The following SCAF4 variants were observed in gnomAD, a reference collection of about 807,000 sequenced individuals.
SCAF4 encodes the protein SR-related and CTD-associated factor 4.
Under a neutral mutation model 129.8 loss-of-function variants are expected in SCAF4, and 25 were observed. The observed-to-expected ratio is 0.19, with a 90% confidence interval of 0.14 to 0.27. SCAF4 has a LOEUF of 0.27. Ranked by LOEUF, SCAF4 falls within the 10% of genes least tolerant of loss-of-function variation. The pLI is 1.00. For synonymous variants in SCAF4, 551 were observed against 497.7 expected (o/e 1.11, Z -1.43); for missense variants, 1,246 against 1,457.1 (o/e 0.86, Z 2.36).
intron 1 of SCAF4, among the ~76,000 whole-genome samples, chr21:31,725,941 T>C (rs1478654092): frequency 6.6e-6 from 1 of 152,204 alleles, no homozygotes; most frequent in East Asian, 1.9e-4. Flanking sequence ...TTGTTATTTT[T>C]AGTAAATTAA....
chr21:31,684,122 A>G (rs1297093796), intron 19 of SCAF4: 1 of 153,632 alleles, frequency 6.5e-6, no homozygotes, highest in Non-Finnish European at 1.5e-5. Flanking sequence ...ACAGTCCTAC[A>G]TCTCAGAGGT....
At chr21:31,723,559 T>C (rs950641160) in intron 1 of SCAF4, among the ~76,000 whole-genome samples, 1 of 152,114 alleles carries the variant, frequency 6.6e-6, no homozygotes, top group Non-Finnish European at 1.5e-5. Flanking sequence ...TTTTCCACTA[T>C]TTCAAAAAAC....
intron 19 of SCAF4, among the ~76,000 whole-genome samples, chr21:31,673,592 AC>A (rs1181244821): frequency 2.7e-5 from 4 of 150,898 alleles, no homozygotes; most frequent in African/African-American, 9.8e-5. Context: ...CAAGTACAGG[AC>A]ACCAGCTACA....
At chr21:31,724,839 G>C (rs1209600821) in intron 1 of SCAF4, among the ~76,000 whole-genome samples, 1 of 152,114 alleles carries the variant, frequency 6.6e-6, no homozygotes, top group Non-Finnish European at 1.5e-5. Flanking sequence ...ATTGCTCTCT[G>C]AATCAATTCC....
chr21:31,696,669 T>C lies in SCAF4; in HGVS notation c.859A>G (p.Thr287Ala). ...SKKEDTTAVT[T>A]TAPAAAVPPA... Reference sequence around the variant, plus strand: ...GGTACTGCGGCAGCAGGTGCTGTCGTGGTGACGGCAGTGGTATCCTCTTTC... The same window carrying C: ...GGTACTGCGGCAGCAGGTGCTGTCGCGGTGACGGCAGTGGTATCCTCTTTC... Residue 287 changes from threonine (T) to alanine (A), a missense_variant, in exon 8 of 20, where the codon ACG (threonine) becomes GCG (alanine). Around this residue, in one of 6 missense-constraint regions of SCAF4, gnomAD observed 236 missense variants for 210.0 expected, o/e 1.12. Coordinates refer to ENST00000286835, the MANE Select transcript of SCAF4 (RefSeq NM_020706.2). The C allele has an allele frequency of 6.2e-7, 1 of 1,613,964 alleles. No homozygotes were observed. The highest frequency in any genetic ancestry group is 8.5e-7 in the Non-Finnish European group (1 of 1,179,818).
intron 9 of SCAF4, among the ~76,000 whole-genome samples, chr21:31,695,384 T>C (rs1290934420): frequency 6.6e-6 from 1 of 151,890 alleles, no homozygotes; most frequent in East Asian, 1.9e-4. Context: ...TAGGTTTACT[T>C]TAAAAAAAAA....
intron 16 of SCAF4, 94 bp from the exon 17 acceptor site, chr21:31,685,827 G>C: frequency 1.6e-6 from 2 of 1,244,286 alleles, no homozygotes; most frequent in Non-Finnish European, 2.2e-6. Context: ...TGAAAAAATA[G>C]ATGTTTCTTA....
In SCAF4 at chr21:31,702,480, T is replaced by G. The variant is rs969724041; in HGVS notation, c.322-101A>C. 11 of 1,016,230 alleles carry G rather than the reference T, an allele frequency of 1.1e-5. No individual in the cohort carries two copies. The African/African-American group carries it at 1.5e-4, about 14-fold the overall frequency. The allele number at this position is 1,016,230 out of a possible 1,614,324, so 63.0% of individuals were successfully genotyped here. A position where few individuals can be genotyped will look rare whatever the true frequency, so the allele number is the denominator to read the frequency against. On this transcript the variant is annotated intron_variant, in intron 4 of 19. Transcript: ENST00000286835. ...GAGGAAAACTCCCTAGGCTAATATT[T>G]CCATACTATGTGTGTTTCATAAACA...
intron 1 of SCAF4, among the ~76,000 whole-genome samples, chr21:31,723,804 T>A (rs1252055353): frequency 7.2e-5 from 11 of 152,186 alleles, no homozygotes; most frequent in Admixed American, 7.2e-4. Flanking sequence ...CTCTTCCAAC[T>A]GGGATTATTG....
At chr21:31,709,270 T>C (rs1406849714) in intron 1 of SCAF4, among the ~76,000 whole-genome samples, 1 of 149,610 alleles carries the variant, frequency 6.7e-6, no homozygotes, top group African/African-American at 2.5e-5. Context: ...TTTTGTAACA[T>C]ACAAACTGAC....
At chr21:31,711,626 T>G (rs1176998365) in intron 1 of SCAF4, among the ~76,000 whole-genome samples, 1 of 152,204 alleles carries the variant, frequency 6.6e-6, no homozygotes, top group African/African-American at 2.4e-5. Context: ...AAAACTCTAA[T>G]TCTTTTAACT....
At chr21:31,699,625 G>T (rs2050473440) in intron 7 of SCAF4, among the ~76,000 whole-genome samples, 1 of 151,906 alleles carries the variant, frequency 6.6e-6, no homozygotes, top group Non-Finnish European at 1.5e-5. Context: ...TTACTAGGTG[G>T]ATTTTTAATT....
chr21:31,717,027 T>C (rs1465020222), intron 1 of SCAF4, among the ~76,000 whole-genome samples: 1 of 152,122 alleles, frequency 6.6e-6, no homozygotes, highest in East Asian at 1.9e-4. Context: ...TGTTCAACCA[T>C]ACCAATCAAT....
At chr21:31,730,111 T>G (rs1040633480) in intron 1 of SCAF4, among the ~76,000 whole-genome samples, 8 of 152,232 alleles carry the variant, frequency 5.3e-5, no homozygotes, top group South Asian at 2.1e-4. Context: ...AAATTCTCAT[T>G]CAACAATTAT....
At chr21:31,702,201 A>C (rs2123585256) in intron 5 of SCAF4, 43 bp downstream of exon 5, 1 of 1,611,114 alleles carries the variant, frequency 6.2e-7, no homozygotes, top group African/African-American at 1.3e-5. Flanking sequence ...CATGTGCAAA[A>C]AATCATACCA....
At position 31,694,893 on chromosome 21, in the gene SCAF4, G is replaced by C. The variant is rs749195902; in HGVS notation, c.1156C>G (p.Pro386Ala). ...FPPMAQPVIP[P>A]TPPVQQPFQA... ...AAAGGCTGCTGCACTGGTGGAGTTG[G>C]AGGAATCACAGGCTGAGCCATGGGA... Residue 386 changes from proline to alanine, a missense_variant, in exon 10 of 20, where the codon CCA becomes GCA. Physicochemically the swap from Pro to Ala is conservative, Grantham distance 27. Around this residue, in one of 6 missense-constraint regions of SCAF4, gnomAD observed 236 missense variants for 210.0 expected, o/e 1.12. Transcript: ENST00000286835. The C allele has an allele frequency of 1.2e-6, 2 of 1,614,032 alleles. No homozygotes were observed. The highest frequency in any genetic ancestry group is 2.7e-5 in the African/African-American group (2 of 74,938).
chr21:31,671,788 G>C lies in SCAF4; in HGVS notation c.3055C>G (p.Arg1019Gly). The C allele has an allele frequency of 6.2e-7, 1 of 1,613,942 alleles. No individual in the cohort carries two copies. The highest frequency in any genetic ancestry group is 8.5e-7 in the Non-Finnish European group (1 of 1,179,898). The change falls in exon 20 of 20, where the codon CGT becomes GGT. Residue 1019 changes from arginine to glycine, a missense_variant. Physicochemically the swap from Arg to Gly is moderately radical, Grantham distance 125. This residue lies in a region of SCAF4 where 339 missense variants were observed against 325.0 expected (regional missense o/e 1.04). Coordinates refer to ENST00000286835, the MANE Select transcript of SCAF4 (RefSeq NM_020706.2). ...TTACTATTATCTCTATCATCATTACGGTTCCCATACCGTTCCCGGTCATTT... is the reference window on the plus strand; with the variant it reads ...TTACTATTATCTCTATCATCATTACCGTTCCCATACCGTTCCCGGTCATTT... Reference protein sequence around the residue: ...VENDRERYGNRNDDRDNSNRD... With the variant: ...VENDRERYGNGNDDRDNSNRD...
intron 15 of SCAF4, among the ~76,000 whole-genome samples, chr21:31,688,988 T>C (rs2050194219): frequency 6.6e-6 from 1 of 152,214 alleles, no homozygotes; most frequent in Non-Finnish European, 1.5e-5. Context: ...AACAAAACTG[T>C]CTTTCTGCTC....
At chr21:31,684,825 CTT>C (rs1215673298) in intron 19 of SCAF4, 1 of 528,528 alleles carries the variant, frequency 1.9e-6, no homozygotes, top group Non-Finnish European at 3.4e-6. Flanking sequence ...ATGATTTTGT[CTT>C]TGAGATTCTC....
Sources: gnomAD v4.1 joint callset for allele counts (sites outside exome capture counted in the v4.1 genomes callset) on GRCh38, gnomAD v4.1.1 for gene constraint, gnomAD v4.1.1 regional missense constraint, MANE v1.5 for transcripts, NCBI Gene and HGNC (gene_info 2026-07-23, HGNC 2026-07-21) for gene names.